Variants in CDK13 observed in about 807,000 individuals in gnomAD.
The protein encoded by CDK13 is cyclin-dependent kinase 13.
Under a neutral mutation model 137.6 loss-of-function variants are expected in CDK13, and 40 were observed. The ratio of observed to expected loss-of-function variants is 0.29; its 90% CI spans 0.23 to 0.38. CDK13 has a LOEUF of 0.38. Ranked by LOEUF, CDK13 falls within the 10% of genes least tolerant of loss-of-function variation. The pLI is 1.00. For missense variants in CDK13, 1,704 were observed against 1,951.8 expected, an observed-to-expected ratio of 0.87 and a Z score of 2.39; for synonymous variants, 869 against 760.1, an observed-to-expected ratio of 1.14 and a Z score of -2.36.
At chr7:39,961,427 A>G (rs1213195630) in intron 1 of CDK13, among the ~76,000 whole-genome samples, 1 of 152,156 alleles carries the variant, frequency 6.6e-6, no homozygotes, top group Non-Finnish European at 1.5e-5. Context: ...CATTCTGCCC[A>G]ATAGATCGCT....
chr7:40,013,344 C>T (rs1285621211), intron 5 of CDK13, among the ~76,000 whole-genome samples: 4 of 152,020 alleles, frequency 2.6e-5, no homozygotes, highest in African/African-American at 7.2e-5. Context: ...CATGGTTGCA[C>T]AACAGTATGA....
intron 2 of CDK13, among the ~76,000 whole-genome samples, chr7:39,990,690 C>T (rs1029953287): frequency 1.3e-5 from 2 of 152,112 alleles, no homozygotes; most frequent in African/African-American, 4.8e-5. Flanking sequence ...CCAGTTGTAC[C>T]TCTTACTACT....
At chr7:39,964,079 C>A (rs1016604502) in intron 1 of CDK13, among the ~76,000 whole-genome samples, 1 of 152,014 alleles carries the variant, frequency 6.6e-6, no homozygotes, top group Non-Finnish European at 1.5e-5. Context: ...GTCTAAAATT[C>A]TATTTTTTGT....
At position 39,988,157 on chromosome 7, in the gene CDK13, C is replaced by T. The variant is rs1784381040; in HGVS notation, c.1770C>T (p.Ser590=). ...LKEKTKPLTP[S]IGAKEKEQHV... ...AGAAAACCAAACCACTTACACCAAG[C>T]ATAGGAGCCAAGGAGAAGGAGCAAC... Residue 590 remains serine (S), a synonymous_variant, in exon 2 of 14, where the codon AGC becomes AGT. Transcript: ENST00000181839. 1.9e-6 allele frequency: 3 copies of T among 1,614,054 alleles called. No homozygotes were observed. Among genetic ancestry groups the T allele is most frequent in the Non-Finnish European group, 2.5e-6 (3 of 1,179,936 alleles).
chr7:39,952,651 T>C lies in CDK13; in HGVS notation c.1211+799T>C, dbSNP rs147174531. 1.8e-4 allele frequency: 28 copies of C among 152,312 alleles called. No individual in the cohort carries two copies. In the East Asian group the frequency reaches 5.0e-3, roughly 27 times the overall value. 9.4% of individuals were successfully genotyped at this position (152,312 alleles called of 1,614,324 possible). A position where few individuals can be genotyped will look rare whatever the true frequency, so the allele number is the denominator to read the frequency against. ...ATGGCTGAGTACATTCTTATACTAT[T>C]ATAAGCCTGTAACTGCTTACTTTAA... On this transcript the variant is annotated intron_variant, in intron 1 of 13. Coordinates refer to ENST00000181839, the MANE Select transcript of CDK13 (RefSeq NM_003718.5).
At chr7:39,952,730 A>G (rs1338484955) in intron 1 of CDK13, 1 of 152,208 alleles carries the variant, frequency 6.6e-6, no homozygotes, top group East Asian at 1.9e-4. Context: ...AACACAATAT[A>G]ACTAGACCTT....
rs17537649 is a variant in CDK13, at chr7:39,950,294, A to C, written c.-348A>C. 221 of 1,081,548 alleles carry C rather than the reference A, an allele frequency of 2.0e-4. 2 individuals carry two copies. The East Asian group carries it at 0.011, about 53-fold the overall frequency. 67.0% of individuals were successfully genotyped at this position (1,081,548 alleles called of 1,614,324 possible). A position where few individuals can be genotyped will look rare whatever the true frequency, so the allele number is the denominator to read the frequency against. ...GCTGCCCGAGCCGAGAGCGCGGCCA[A>C]GGCCGCTCCCCCACCCCCGGGGGCA... is the stretch of plus-strand genomic sequence containing the variant. On this transcript the variant is annotated 5_prime_UTR_variant, in exon 1 of 14. Transcript: ENST00000181839.
At chr7:40,029,959 G>T (rs755971861) in intron 5 of CDK13, among the ~76,000 whole-genome samples, 8 of 152,044 alleles carry the variant, frequency 5.3e-5, no homozygotes, top group Non-Finnish European at 8.8e-5. Flanking sequence ...GCCTAGATTA[G>T]ATTCTTACTG....
rs370083630 is a variant in CDK13 at position 40,052,961 on chromosome 7, T to C, written c.2600+5084T>C. On this transcript the variant is annotated intron_variant, in intron 7 of 13. Coordinates refer to ENST00000181839, the MANE Select transcript of CDK13 (RefSeq NM_003718.5). ...CTAGACAAGATTGGAACCATGGTAA[T>C]AAAAAAATTACTAATAACAGATGAA... Among the ~76,000 whole-genome samples the C allele has an allele frequency of 1.2e-4, 19 of 152,056 alleles. No individual in the cohort carries two copies. In the South Asian group the frequency reaches 4.0e-3, roughly 32 times the overall value.
intron 7 of CDK13, among the ~76,000 whole-genome samples, chr7:40,059,493 G>C (rs768167399): frequency 3.3e-5 from 5 of 152,134 alleles, no homozygotes; most frequent in Non-Finnish European, 7.3e-5. Flanking sequence ...CAATTAGCTG[G>C]GATTACAGAT....
At position 40,020,408 on chromosome 7, in the gene CDK13, C is replaced by G. The variant is rs1466346360; in HGVS notation, c.2353+18377C>G. Among the ~76,000 whole-genome samples the G allele has an allele frequency of 2.0e-5, 3 of 152,130 alleles. No individual in the cohort carries two copies. The East Asian group carries it at 5.8e-4, about 29-fold the overall frequency. On this transcript the variant is annotated intron_variant, in intron 5 of 13. Transcript: ENST00000181839. ...CCTCATGTTACTAATGCAGCAGCCA[C>G]TTTACCAACCAGGATTCCTTTATTG...
chr7:40,030,472 AC>A lies in CDK13; in HGVS notation c.2354-15361del, dbSNP rs1785353787. Among the ~76,000 whole-genome samples the A allele has an allele frequency of 1.7e-5, 2 of 120,916 alleles. 1 individual carries two copies. Among genetic ancestry groups the A allele is most frequent in the South Asian group, 5.5e-4 (2 of 3,652 alleles). 79.3% of individuals were successfully genotyped at this position (120,916 alleles called of 152,430 possible). On this transcript the variant is annotated intron_variant, in intron 5 of 13. Coordinates refer to ENST00000181839, the MANE Select transcript of CDK13 (RefSeq NM_003718.5). ...TTTGAGATAAGAGTCTTGGTCTGAC[AC>A]CCAGGCTGGAGTGCAGTTGTGCCAT...
At chr7:40,020,819 A>T (rs1309096975) in intron 5 of CDK13, among the ~76,000 whole-genome samples, 1 of 152,166 alleles carries the variant, frequency 6.6e-6, no homozygotes, top group Non-Finnish European at 1.5e-5. Context: ...AGGGGTGGGC[A>T]CGGTGGCTCA....
chr7:40,037,436 A>G (rs1785509169), intron 5 of CDK13, among the ~76,000 whole-genome samples: 1 of 152,172 alleles, frequency 6.6e-6, no homozygotes, highest in Non-Finnish European at 1.5e-5. Flanking sequence ...GCCTTCCACA[A>G]AGTTGCTTAA....
intron 1 of CDK13, among the ~76,000 whole-genome samples, chr7:39,980,483 TTATA>T (rs919004504): frequency 2.0e-5 from 3 of 152,154 alleles, no homozygotes; most frequent in Admixed American, 2.0e-4. Context: ...GATCATCACT[TTATA>T]TAGTGATTTT....
intron 5 of CDK13, among the ~76,000 whole-genome samples, chr7:40,022,734 C>A (rs1785154191): frequency 6.6e-6 from 1 of 151,406 alleles, no homozygotes; most frequent in Non-Finnish European, 1.5e-5. Flanking sequence ...TCCATCGATA[C>A]TGTATGACTT....
chr7:39,969,100 C>G (rs961937438), intron 1 of CDK13, among the ~76,000 whole-genome samples: 1 of 152,088 alleles, frequency 6.6e-6, no homozygotes, highest in East Asian at 1.9e-4. Flanking sequence ...ACCTCTACCT[C>G]CCAGGTTCAA....
At chr7:40,019,293 C>T (rs899733415) in intron 5 of CDK13, among the ~76,000 whole-genome samples, 1 of 152,000 alleles carries the variant, frequency 6.6e-6, no homozygotes, top group African/African-American at 2.4e-5. Flanking sequence ...CTTAACACAT[C>T]GAAGCTGTAA....
chr7:39,966,020 AC>A (rs1357002122), intron 1 of CDK13, among the ~76,000 whole-genome samples: 5 of 152,152 alleles, frequency 3.3e-5, no homozygotes, highest in African/African-American at 1.2e-4. Flanking sequence ...TTTGTGGGTA[AC>A]CCGACCTTTC....
Sources: allele counts gnomAD v4.1 joint callset (sites outside exome capture counted in the v4.1 genomes callset), GRCh38; gene constraint gnomAD v4.1.1; transcripts MANE v1.5; gene names NCBI Gene and HGNC (gene_info 2026-07-23, HGNC 2026-07-21).